SPATS2: variants seen among roughly 807,000 people sequenced by gnomAD.
SPATS2 encodes spermatogenesis associated serine rich 2.
SPATS2 carries 38 observed loss-of-function variants against 63.7 expected under a neutral mutation model. That is an observed-to-expected ratio of 0.60 (90% CI 0.46 to 0.78). The LOEUF (loss-of-function observed/expected upper bound fraction) is 0.78, where lower values mean the gene tolerates loss of function less well. SPATS2 is among the 30% of genes least tolerant of loss of function. SPATS2 has a pLI of 0.00. For synonymous variants in SPATS2, 207 were observed against 232.9 expected (o/e 0.89, Z 1.01); for missense variants, 588 against 666.2 (o/e 0.88, Z 1.29).
intron 2 of SPATS2, among the ~76,000 whole-genome samples, chr12:49,438,877 C>T (rs893773141): frequency 6.6e-6 from 1 of 152,124 alleles, no homozygotes; most frequent in Admixed American, 6.6e-5. Flanking sequence ...CCTAGGGATA[C>T]AAGAATTATC....
intron 2 of SPATS2, among the ~76,000 whole-genome samples, chr12:49,375,787 C>A (rs1039221360): frequency 1.3e-5 from 2 of 152,142 alleles, no homozygotes; most frequent in African/African-American, 4.8e-5. Flanking sequence ...CATAACACTG[C>A]AGATGAAGCC....
intron 2 of SPATS2, among the ~76,000 whole-genome samples, chr12:49,437,376 C>T (rs1945331187): frequency 1.3e-5 from 2 of 151,444 alleles, no homozygotes; most frequent in African/African-American, 4.9e-5. Flanking sequence ...CTCCTCACAT[C>T]CCAGACGATG....
intron 2 of SPATS2, among the ~76,000 whole-genome samples, chr12:49,374,252 C>T (rs1944053357): frequency 6.6e-6 from 1 of 152,066 alleles, no homozygotes; most frequent in African/African-American, 2.4e-5. Context: ...TCACCTCAGC[C>T]TCAGTAGCTA....
Position 49,470,173 on chromosome 12 carries a change from A to C in SPATS2, c.25+9136A>C, listed in dbSNP as rs538770180. Among the ~76,000 whole-genome samples the C allele has an allele frequency of 1.2e-3, 179 of 152,114 alleles. 2 individuals are homozygous for C. The highest frequency in any genetic ancestry group is 4.7e-4 in the Non-Finnish European group (32 of 68,008). ...CAGCCTCCCTAGTAGCTGGGATTAC[A>C]GACGTCCACCACCACGCCCAGCTAA... On this transcript the variant is annotated intron_variant, in intron 3 of 13. Coordinates refer to ENST00000552918, the MANE Select transcript of SPATS2 (RefSeq NM_023071.4).
intron 1 of SPATS2, 80 bp downstream of exon 1, chr12:49,367,667 A>G (rs1384058348): frequency 1.4e-5 from 2 of 147,628 alleles, no homozygotes; most frequent in East Asian, 3.3e-4. Context: ...TGAGGGAGGA[A>G]AAAGAGGGAG....
chr12:49,384,247 G>A (rs1944272689), intron 2 of SPATS2, among the ~76,000 whole-genome samples: 1 of 152,196 alleles, frequency 6.6e-6, no homozygotes, highest in Non-Finnish European at 1.5e-5. Context: ...ATTACGGCAT[G>A]AGCCACTGTG....
chr12:49,460,181 T>A (rs1945797229), intron 2 of SPATS2, among the ~76,000 whole-genome samples: 1 of 145,502 alleles, frequency 6.9e-6, no homozygotes, highest in African/African-American at 2.5e-5. Context: ...GATGGGAAGA[T>A]CAAATGGCTC....
rs959730930 is a variant in SPATS2, at chr12:49,367,502, C to G, written c.-392C>G. 5.0e-6 allele frequency: 2 copies of G among 398,630 alleles called. No homozygotes were observed. The highest frequency in any genetic ancestry group is 4.4e-5 in the Admixed American group (1 of 22,642). 24.7% of individuals were successfully genotyped at this position (398,630 alleles called of 1,614,324 possible). On this transcript the variant is annotated 5_prime_UTR_variant, in exon 1 of 14. It adds an upstream start codon to the 5' untranslated region. Coordinates refer to ENST00000552918, the MANE Select transcript of SPATS2 (RefSeq NM_023071.4). ...GGCTCTAGAAGGGGAGGTGGAGGAT[C>G]TCCTTTCCTCTTCTCAGACCCGGGA...
chr12:49,518,923 A>G (rs759615458), intron 10 of SPATS2, 150 bp from the exon 11 acceptor site: 13 of 508,226 alleles, frequency 2.6e-5, no homozygotes, highest in African/African-American at 4.0e-5. Context: ...AATGGAAGGT[A>G]GAGACCAGAC....
At chr12:49,487,283 G>C (rs1474593630) in intron 4 of SPATS2, among the ~76,000 whole-genome samples, 2 of 152,094 alleles carry the variant, frequency 1.3e-5, no homozygotes, top group African/African-American at 4.8e-5. Context: ...GTGAGGTCAG[G>C]AGTTCGAGAC....
intron 7 of SPATS2, 128 bp from the exon 8 acceptor site, chr12:49,496,705 T>A: frequency 1.1e-6 from 1 of 903,522 alleles, no homozygotes. Context: ...TTTCAGTTGA[T>A]TTTGTTTACA....
At chr12:49,505,063 T>C (rs1402512819) in intron 9 of SPATS2, among the ~76,000 whole-genome samples, 1 of 150,388 alleles carries the variant, frequency 6.6e-6, no homozygotes, top group Non-Finnish European at 1.5e-5. Flanking sequence ...CTCGCCCAGC[T>C]CAGAGCTTTT....
intron 10 of SPATS2, among the ~76,000 whole-genome samples, chr12:49,518,461 G>T (rs1469256978): frequency 6.6e-6 from 1 of 152,180 alleles, no homozygotes; most frequent in Non-Finnish European, 1.5e-5. Flanking sequence ...AATAATTGTG[G>T]TATATCCACA....
chr12:49,507,948 T>C lies in SPATS2; in HGVS notation c.840-6607T>C, dbSNP rs371812537. On this transcript the variant is annotated intron_variant, in intron 9 of 13. Coordinates refer to ENST00000552918, the MANE Select transcript of SPATS2 (RefSeq NM_023071.4). ...ATTTACTGAGCTCAATTACTAAGCT[T>C]TTATTGTATGTCAGAAACTTTTATG... 4.7e-4 allele frequency among the ~76,000 whole-genome samples: 72 copies of C among 152,314 alleles called. No individual in the cohort carries two copies. In the South Asian group the frequency reaches 0.012, roughly 26 times the overall value.
chr12:49,430,347 C>T (rs952109225), intron 2 of SPATS2, among the ~76,000 whole-genome samples: 1 of 151,914 alleles, frequency 6.6e-6, no homozygotes, highest in Admixed American at 6.6e-5. Context: ...AATGATCCGC[C>T]GACCTCGGCC....
chr12:49,395,426 A>ATT (rs111978343), intron 2 of SPATS2, among the ~76,000 whole-genome samples: 11 of 140,700 alleles, frequency 7.8e-5, no homozygotes, highest in African/African-American at 2.6e-4. Flanking sequence ...TGTTTTTCAG[A>ATT]TTTTTTTTTT....
intron 2 of SPATS2, among the ~76,000 whole-genome samples, chr12:49,382,447 T>G (rs550780246): frequency 6.6e-6 from 1 of 152,258 alleles, no homozygotes; most frequent in East Asian, 1.9e-4. Flanking sequence ...TTATACCGTA[T>G]GAAGTGCTTA....
In SPATS2 at chr12:49,522,747, C is replaced by T; in HGVS notation, c.1009-4C>T. The T allele has an allele frequency of 2.5e-6, 4 of 1,613,010 alleles. No homozygotes were observed. The highest frequency in any genetic ancestry group is 3.4e-6 in the Non-Finnish European group (4 of 1,179,246). ...CTGGAGGCCTTTCTTTGTCCTTTCTCCAGCACTTTGTTAGTGAACGTAAAT... is the reference window on the plus strand; with the variant it reads ...CTGGAGGCCTTTCTTTGTCCTTTCTTCAGCACTTTGTTAGTGAACGTAAAT... On this transcript the variant is annotated splice_region_variant and splice_polypyrimidine_tract_variant and intron_variant, in intron 11 of 13. Coordinates refer to ENST00000552918, the MANE Select transcript of SPATS2 (RefSeq NM_023071.4).
intron 2 of SPATS2, among the ~76,000 whole-genome samples, chr12:49,426,130 A>G (rs564890065): frequency 6.6e-6 from 1 of 152,282 alleles, no homozygotes; most frequent in Admixed American, 6.5e-5. Flanking sequence ...GCTAAGGGTA[A>G]TGGATAGCAT....
Sources: gnomAD v4.1 joint callset for allele counts (sites outside exome capture counted in the v4.1 genomes callset) on GRCh38, gnomAD v4.1.1 for gene constraint, MANE v1.5 for transcripts, NCBI Gene and HGNC (gene_info 2026-07-23, HGNC 2026-07-21) for gene names.